Variants in MAST2 observed in about 807,000 individuals in gnomAD.
MAST2 encodes microtubule-associated serine/threonine-protein kinase 2.
A neutral mutation model predicts 147.4 loss-of-function variants in MAST2; 70 were observed. The ratio of observed to expected loss-of-function variants is 0.47; its 90% CI spans 0.39 to 0.58. The LOEUF is 0.58. Ranked by LOEUF, MAST2 falls within the 20% of genes least tolerant of loss-of-function variation. The probability of loss-of-function intolerance (pLI) is 0.00; values close to 1 mark genes in which losing one functional copy is unlikely to be tolerated. For synonymous variants in MAST2, 869 were observed against 896.8 expected (o/e 0.97, Z 0.55); for missense variants, 2,080 against 2,302.3 (o/e 0.90, Z 1.98).
Position 45,959,360 on chromosome 1 carries a change from T to C in MAST2, c.501-26T>C, listed in dbSNP as rs376900488. On this transcript the variant is annotated intron_variant, in intron 4 of 28. Coordinates refer to ENST00000361297, the MANE Select transcript of MAST2 (RefSeq NM_015112.3). ...CTGGGCCCATGGTGTGGCCCTATTATAATTCATATTTTGTTTTCATTGCAG... is the reference window on the plus strand; with the variant it reads ...CTGGGCCCATGGTGTGGCCCTATTACAATTCATATTTTGTTTTCATTGCAG... 1.2e-4 allele frequency: 185 copies of C among 1,595,436 alleles called. 1 individual carries two copies. Among genetic ancestry groups the C allele is most frequent in the Non-Finnish European group, 1.4e-4 (161 of 1,163,464 alleles).
chr1:45,979,099 A>T (rs1334739549), intron 5 of MAST2, among the ~76,000 whole-genome samples: 1 of 152,194 alleles, frequency 6.6e-6, no homozygotes, highest in Non-Finnish European at 1.5e-5. Context: ...TAAGGAAATG[A>T]TTATCATAAT....
rs201666041 is a variant in MAST2, at chr1:46,035,243, C to T, written c.4574C>T (p.Pro1525Leu). 6.2e-7 allele frequency: 1 copy of T among 1,614,010 alleles called. No individual in the cohort carries two copies. The highest frequency in any genetic ancestry group is 1.1e-5 in the South Asian group (1 of 91,078). The change falls in exon 29 of 29, where the codon CCT (proline) becomes CTT (leucine). Residue 1525 changes from proline (P) to leucine (L), a missense_variant. Physicochemically the swap from Pro to Leu is moderately conservative, Grantham distance 98. Transcript: ENST00000361297. The surrounding 1 kb of genome is among the most constrained non-coding windows in gnomAD (Gnocchi z 5.5). ...GGTGCACAGGAGCTGAGCTTGGCAC[C>T]TCACCCAGAAGTGAGCCAGAGTGTG... ...SQGAQELSLA[P>L]HPEVSQSVAP...
At position 45,906,580 on chromosome 1, in the gene MAST2, A is replaced by T. The variant is rs866138267; in HGVS notation, c.500+24185A>T. On this transcript the variant is annotated intron_variant, in intron 4 of 28. Transcript: ENST00000361297. ...AAGTGTACAATGTTTATATGTTATT[A>T]TTATATAATGTTGTATATATTATTG... Among the ~76,000 whole-genome samples, 78 of 148,684 alleles carry T rather than the reference A, an allele frequency of 5.2e-4. No individual in the cohort carries two copies. The Middle Eastern group carries it at 0.011, about 20-fold the overall frequency.
intron 7 of MAST2, 138 bp from the exon 8 acceptor site, chr1:46,006,103 C>G: frequency 1.3e-6 from 1 of 777,532 alleles, no homozygotes; most frequent in Admixed American, 2.4e-5. Flanking sequence ...ACAGGCAAGG[C>G]TAAGGGAGTA....
At chr1:46,029,055 TCTGCTG>T in intron 18 of MAST2, 122 bp downstream of exon 18, 3 of 1,135,236 alleles carry the variant, frequency 2.6e-6, no homozygotes, top group Non-Finnish European at 3.8e-6. Flanking sequence ...GTTTGTGATG[TCTGCTG>T]CTTTGGGGAT....
intron 3 of MAST2, among the ~76,000 whole-genome samples, chr1:45,881,457 A>T (rs1194387060): frequency 6.6e-6 from 1 of 152,172 alleles, no homozygotes; most frequent in African/African-American, 2.4e-5. Context: ...ATCCAAAAAC[A>T]CGTATTGAAA....
chr1:45,949,833 G>C (rs1658666335), intron 4 of MAST2, among the ~76,000 whole-genome samples: 1 of 152,198 alleles, frequency 6.6e-6, no homozygotes, highest in Admixed American at 6.5e-5. Context: ...GCCCATTAAT[G>C]ATAGATGGGA....
In MAST2 at chr1:45,857,471, A is replaced by C. The variant is rs1426168801; in HGVS notation, c.469-24893A>C. On this transcript the variant is annotated intron_variant, in intron 3 of 28. Coordinates refer to ENST00000361297, the MANE Select transcript of MAST2 (RefSeq NM_015112.3). ...TCTGTTTAAGCAACAAATGAAAAAGAATCCTTTGTTGAGAAGCTACCACAG... is the reference window on the plus strand; with the variant it reads ...TCTGTTTAAGCAACAAATGAAAAAGCATCCTTTGTTGAGAAGCTACCACAG... Among the ~76,000 whole-genome samples, 4 of 152,328 alleles carry C rather than the reference A, an allele frequency of 2.6e-5. No homozygotes were observed. In the East Asian group the frequency reaches 7.7e-4, roughly 29 times the overall value.
chr1:45,927,149 C>T (rs1157739178), intron 4 of MAST2, among the ~76,000 whole-genome samples: 2 of 152,124 alleles, frequency 1.3e-5, no homozygotes, highest in Non-Finnish European at 2.9e-5. Context: ...GTGTGGGTGA[C>T]AGACATCAAG....
intron 4 of MAST2, among the ~76,000 whole-genome samples, chr1:45,892,369 G>A (rs1346403099): frequency 1.3e-5 from 2 of 152,120 alleles, no homozygotes; most frequent in Non-Finnish European, 2.9e-5. Flanking sequence ...AGCCTAACAA[G>A]GAATACAACT....
chr1:45,963,525 A>G (rs991616229), intron 5 of MAST2, among the ~76,000 whole-genome samples: 4 of 152,164 alleles, frequency 2.6e-5, no homozygotes, highest in Non-Finnish European at 2.9e-5. Context: ...CTTTGAAGCA[A>G]TTGTGAATGG....
At chr1:45,855,915 T>C (rs1645774198) in intron 3 of MAST2, among the ~76,000 whole-genome samples, 1 of 152,198 alleles carries the variant, frequency 6.6e-6, no homozygotes, top group Non-Finnish European at 1.5e-5. Context: ...GGAGCCTAAT[T>C]TGGGACTAGC....
intron 4 of MAST2, among the ~76,000 whole-genome samples, chr1:45,943,577 G>A (rs1657622222): frequency 6.6e-6 from 1 of 152,056 alleles, no homozygotes; most frequent in Non-Finnish European, 1.5e-5. Context: ...TTAAGAATAG[G>A]TTTTGCTTTC....
intron 4 of MAST2, among the ~76,000 whole-genome samples, chr1:45,923,405 A>G (rs1653854769): frequency 6.6e-6 from 1 of 152,204 alleles, no homozygotes; most frequent in African/African-American, 2.4e-5. Context: ...ACCATATGCA[A>G]TCGAGAATTT....
At chr1:45,918,347 G>A (rs1652891529) in intron 4 of MAST2, among the ~76,000 whole-genome samples, 1 of 152,236 alleles carries the variant, frequency 6.6e-6, no homozygotes, top group Admixed American at 6.5e-5. Flanking sequence ...TGTATTCTTT[G>A]TGCAACAGAG....
rs1318651840 is a variant in MAST2, at chr1:45,824,533, A to G, written c.278A>G (p.Gln93Arg). 1 of 1,610,690 alleles carries G rather than the reference A, an allele frequency of 6.2e-7. No individual in the cohort carries two copies. The stretch of plus-strand genomic sequence containing the variant: ...GTTAAACTTCAGCGACAACTGAGTC[A>G]GGATGATTGTAAGTTATGGAGAGGA... Reference protein sequence around the residue: ...GKVKLQRQLSQDDCKLWRGNL... With the variant: ...GKVKLQRQLSRDDCKLWRGNL... The change falls in exon 2 of 29, where the codon CAG (glutamine) becomes CGG (arginine). Residue 93 changes from glutamine to arginine, a missense_variant. By Grantham distance (43) the Gln-to-Arg change is conservative. Coordinates refer to ENST00000361297, the MANE Select transcript of MAST2 (RefSeq NM_015112.3).
chr1:45,831,866 G>T (rs539928179), intron 3 of MAST2, among the ~76,000 whole-genome samples: 177 of 149,516 alleles, frequency 1.2e-3, no homozygotes, highest in Non-Finnish European at 1.9e-3. Context: ...TGCAACCTCT[G>T]TCTCCTGGGT....
intron 4 of MAST2, among the ~76,000 whole-genome samples, chr1:45,885,580 CA>C (rs1268772825): frequency 6.6e-6 from 1 of 152,110 alleles, no homozygotes; most frequent in Non-Finnish European, 1.5e-5. Context: ...TAAAAATTAA[CA>C]GCTTGGGTTT....
intron 4 of MAST2, among the ~76,000 whole-genome samples, chr1:45,940,721 G>A (rs1657130746): frequency 6.6e-6 from 1 of 151,326 alleles, no homozygotes; most frequent in African/African-American, 2.4e-5. Flanking sequence ...CCGGGTTCAC[G>A]CCATTCTCCT....
Sources: allele counts gnomAD v4.1 joint callset (sites outside exome capture counted in the v4.1 genomes callset), GRCh38; gene constraint gnomAD v4.1.1; non-coding constraint Gnocchi (gnomAD v3.1); transcripts MANE v1.5; gene names NCBI Gene and HGNC (gene_info 2026-07-23, HGNC 2026-07-21).